SV2C: variants seen among roughly 807,000 people sequenced by gnomAD.
SV2C encodes solute carrier family 22 member B3.
A neutral mutation model predicts 79.7 loss-of-function variants in SV2C; 49 were observed. The observed-to-expected ratio is 0.61, with a 90% CI of 0.49 to 0.78. The LOEUF (loss-of-function observed/expected upper bound fraction) is 0.78. Among genes scored for constraint, SV2C ranks in the 30% least tolerant of loss-of-function variants. The pLI is 0.00. For synonymous variants in SV2C, 334 were observed against 333.2 expected, an observed-to-expected ratio of 1.00 and a Z score of -0.03; for missense variants, 833 against 912.9, an observed-to-expected ratio of 0.91 and a Z score of 1.13.
At chr5:76,278,690 A>G (rs559350310) in intron 4 of SV2C, among the ~76,000 whole-genome samples, 31 of 152,350 alleles carry the variant, frequency 2.0e-4, no homozygotes, top group Non-Finnish European at 3.8e-4. Context: ...GGCTCAAGCC[A>G]GTTAGAGGAC....
intron 2 of SV2C, among the ~76,000 whole-genome samples, chr5:76,166,052 G>A (rs1210465877): frequency 2.0e-5 from 3 of 152,156 alleles, no homozygotes; most frequent in Admixed American, 6.5e-5. Flanking sequence ...CCCTCCGCCT[G>A]TCCCTGGCTT....
chr5:75,948,692 G>C, the SV2C span, among the ~76,000 whole-genome samples: 1 of 151,990 alleles, frequency 6.6e-6, no homozygotes, highest in Non-Finnish European at 1.5e-5. Context: ...CTGGAGAAGG[G>C]ATGTTTAAGG....
At position 76,254,257 on chromosome 5, in the gene SV2C, T is replaced by TAG. The variant is rs766602017; in HGVS notation, c.914-30889_914-30888dup. Among the ~76,000 whole-genome samples the TAG allele has an allele frequency of 5.7e-3, 845 of 149,382 alleles. 9 individuals carry two copies. The highest frequency in any genetic ancestry group is 0.038 in the East Asian group (193 of 5,118). On this transcript the variant is annotated intron_variant, in intron 4 of 12. Coordinates refer to ENST00000502798, the MANE Select transcript of SV2C (RefSeq NM_014979.4). ...GTGTGTGTGTATATATATATATATA[T>TAG]AGAGAGAGAGAGAGAGATATTAAAA... is the stretch of plus-strand genomic sequence containing the variant.
chr5:75,904,308 C>G, the SV2C span, among the ~76,000 whole-genome samples: 50 of 151,908 alleles, frequency 3.3e-4, no homozygotes, highest in African/African-American at 1.1e-3. Flanking sequence ...AATGGGGGCT[C>G]TTAAGATATT....
chr5:76,257,710 G>A (rs1441146650), intron 4 of SV2C, among the ~76,000 whole-genome samples: 1 of 151,174 alleles, frequency 6.6e-6, no homozygotes, highest in Non-Finnish European at 1.5e-5. Flanking sequence ...GTGTAGGTAG[G>A]TGTATGTGTG....
At chr5:76,106,257 T>A (rs1747908397) in intron 1 of SV2C, among the ~76,000 whole-genome samples, 1 of 152,126 alleles carries the variant, frequency 6.6e-6, no homozygotes. Flanking sequence ...AACCAGAATG[T>A]AACCACTTCT....
At chr5:76,121,665 G>T (rs1748500913) in intron 1 of SV2C, among the ~76,000 whole-genome samples, 1 of 151,548 alleles carries the variant, frequency 6.6e-6, no homozygotes, top group African/African-American at 2.4e-5. Flanking sequence ...GTTTGTCAAA[G>T]ATCAGATAGT....
chr5:76,201,278 C>T (rs115980932), intron 3 of SV2C, among the ~76,000 whole-genome samples: 7,693 of 152,110 alleles, frequency 0.051, 261 homozygotes, highest in Non-Finnish European at 0.081. Context: ...GGAGTTGGCA[C>T]CATTGATTCA....
chr5:76,242,307 C>A, intron 4 of SV2C: 1 of 1,457,166 alleles, frequency 6.9e-7, no homozygotes, highest in Non-Finnish European at 9.5e-7. Context: ...GTGGCGGCAG[C>A]GACGGCAGCG....
chr5:75,959,116 C>T, the SV2C span, among the ~76,000 whole-genome samples: 8 of 151,858 alleles, frequency 5.3e-5, no homozygotes, highest in African/African-American at 1.9e-4. Flanking sequence ...GTTCTTTGCA[C>T]CGTGGTAGCT....
At chr5:75,916,417 A>C in the SV2C span, among the ~76,000 whole-genome samples, 592 of 42,882 alleles carry the variant, frequency 0.014, no homozygotes, top group Middle Eastern at 0.043. Flanking sequence ...CTCCTCCTCC[A>C]CCTCCTCTTC....
chr5:76,331,936 A>G lies in SV2C; in HGVS notation c.*6389A>G, dbSNP rs1050014596. 5 of 152,170 alleles carry G rather than the reference A, an allele frequency of 3.3e-5. No homozygotes were observed. The highest frequency in any genetic ancestry group is 7.3e-5 in the Non-Finnish European group (5 of 68,028). 9.4% of individuals were successfully genotyped at this position (152,170 alleles called of 1,614,324 possible). On this transcript the variant is annotated 3_prime_UTR_variant, in exon 13 of 13. Coordinates refer to ENST00000502798, the MANE Select transcript of SV2C (RefSeq NM_014979.4). ...CCCTGATAGGATGGGCACAGCTGGTATGGAATCAGAGCAGCCCATCTCCAG... is the reference window on the plus strand; with the variant it reads ...CCCTGATAGGATGGGCACAGCTGGTGTGGAATCAGAGCAGCCCATCTCCAG...
chr5:75,873,602 C>T, the SV2C span, among the ~76,000 whole-genome samples: 1 of 151,976 alleles, frequency 6.6e-6, no homozygotes, highest in South Asian at 2.1e-4. Flanking sequence ...CAGAAGACTA[C>T]AAAATCATTT....
the SV2C span, among the ~76,000 whole-genome samples, chr5:76,008,550 T>C: frequency 6.6e-6 from 1 of 152,148 alleles, no homozygotes; most frequent in South Asian, 2.1e-4. Context: ...TCCATCTCCA[T>C]ACTACAGGAA....
chr5:76,352,302 C>A (rs1011512019), intron 12 of SV2C, among the ~76,000 whole-genome samples: 1 of 152,160 alleles, frequency 6.6e-6, no homozygotes, highest in Non-Finnish European at 1.5e-5. Flanking sequence ...TAAGCAACTC[C>A]ATCCAAAAAG....
the SV2C span, among the ~76,000 whole-genome samples, chr5:75,953,778 T>G: frequency 4.5e-4 from 68 of 152,084 alleles, no homozygotes; most frequent in Middle Eastern, 3.4e-3. Flanking sequence ...TCCTCTCCTC[T>G]TTTTCATGAA....
intron 2 of SV2C, among the ~76,000 whole-genome samples, chr5:76,171,745 T>C (rs1405270790): frequency 1.6e-5 from 2 of 127,574 alleles, no homozygotes; most frequent in East Asian, 3.0e-4. Flanking sequence ...AGCCGTGCCG[T>C]CCGGGAGGGA....
chr5:76,105,579 A>G (rs1747882942), intron 1 of SV2C, among the ~76,000 whole-genome samples: 1 of 152,092 alleles, frequency 6.6e-6, no homozygotes, highest in African/African-American at 2.4e-5. Context: ...CCCCAGCCCT[A>G]GAGGTTATAG....
intron 4 of SV2C, among the ~76,000 whole-genome samples, chr5:76,225,421 T>C (rs1745206655): frequency 6.6e-6 from 1 of 152,170 alleles, no homozygotes; most frequent in African/African-American, 2.4e-5. Context: ...ACTTGGGGCT[T>C]GGACAGGATA....
Sources: allele counts gnomAD v4.1 joint callset (sites outside exome capture counted in the v4.1 genomes callset), GRCh38; gene constraint gnomAD v4.1.1; transcripts MANE v1.5; gene names NCBI Gene and HGNC (gene_info 2026-07-23, HGNC 2026-07-21).